Variants in F11R observed in about 807,000 individuals in gnomAD.
F11R encodes the protein F11 receptor.
In F11R, 27 loss-of-function variants were observed where a neutral mutation model predicts 39.3. The ratio of observed to expected loss-of-function variants is 0.69; its 90% CI spans 0.51 to 0.95. The LOEUF is 0.95. Ranked by LOEUF, F11R falls within the 40% of genes least tolerant of loss-of-function variation. F11R has a pLI of 0.00. For missense variants in F11R, 335 were observed against 372.7 expected (o/e 0.90, Z 0.83); for synonymous variants, 131 against 144.9 (o/e 0.90, Z 0.69).
rs1002993045 is a variant in F11R, at chr1:160,996,430, A to C, written c.*2441T>G. On this transcript the variant is annotated 3_prime_UTR_variant, in exon 10 of 10. Transcript: ENST00000368026. ...CCATGACCTTTTCCATATCCTTCCTACTCTGTCTTCCAACCATGACACAGA... is the reference window on the plus strand; with the variant it reads ...CCATGACCTTTTCCATATCCTTCCTCCTCTGTCTTCCAACCATGACACAGA... 2 of 152,114 alleles carry C rather than the reference A, an allele frequency of 1.3e-5. No individual in the cohort carries two copies. The highest frequency in any genetic ancestry group is 2.9e-5 in the Non-Finnish European group (2 of 68,004). The allele number at this position is 152,114 out of a possible 1,614,324, so 9.4% of individuals were successfully genotyped here.
chr1:161,002,908 T>C (rs1004014896), intron 1 of F11R, among the ~76,000 whole-genome samples: 1 of 132,560 alleles, frequency 7.5e-6, no homozygotes, highest in African/African-American at 2.9e-5. Flanking sequence ...ACTAAAGATA[T>C]AGGTTACTCC....
chr1:161,000,722 C>T lies in F11R; in HGVS notation c.297G>A (p.Val99=). 1 of 1,614,160 alleles carries T rather than the reference C, an allele frequency of 6.2e-7. No individual in the cohort carries two copies. The highest frequency in any genetic ancestry group is 1.1e-5 in the South Asian group (1 of 91,076). The change falls in exon 4 of 10, where the codon GTG becomes GTA. Residue 99 remains valine, a synonymous_variant. Transcript: ENST00000368026. ...TGTATGTCCCAGTGTCTTCCCGTGT[C>T]ACGGACTTGAAGGTGATACCAGTTG... ...FLPTGITFKS[V]TREDTGTYTC... is the part of the protein sequence containing the mutation.
rs1013719624 is a variant in F11R at position 160,997,610 on chromosome 1, A to G, written c.*1261T>C. On this transcript the variant is annotated 3_prime_UTR_variant, in exon 10 of 10. Coordinates refer to ENST00000368026, the MANE Select transcript of F11R (RefSeq NM_016946.6). The stretch of plus-strand genomic sequence containing the variant: ...AACCAGCCCCAGGTTGCTGGGAAGC[A>G]AGGCTTTGAGGCATTTTCCTGTTGT... 6.5e-6 allele frequency: 1 copy of G among 152,812 alleles called. No individual in the cohort carries two copies. Among genetic ancestry groups the G allele is most frequent in the Non-Finnish European group, 1.5e-5 (1 of 68,056 alleles). The allele number at this position is 152,812 out of a possible 1,614,324, so 9.5% of individuals were successfully genotyped here.
intron 1 of F11R, among the ~76,000 whole-genome samples, chr1:161,013,873 G>C (rs551819377): frequency 2.6e-5 from 4 of 152,280 alleles, no homozygotes; most frequent in African/African-American, 9.6e-5. Context: ...AGGGAAGGTC[G>C]AGCCTTCCAG....
intron 1 of F11R, among the ~76,000 whole-genome samples, chr1:161,014,667 C>T (rs1649349023): frequency 6.6e-6 from 1 of 152,106 alleles, no homozygotes; most frequent in South Asian, 2.1e-4. Flanking sequence ...AGGCCAGGCA[C>T]GGTGGCTCAT....
chr1:160,999,211 G>T (rs1280385124), intron 8 of F11R, 120 bp from the exon 9 acceptor site: 3 of 1,386,438 alleles, frequency 2.2e-6, no homozygotes, highest in East Asian at 2.5e-5. Flanking sequence ...CAGCAGACAG[G>T]TATGGGTGGG....
rs528511413 is a variant in F11R at position 161,010,430 on chromosome 1, C to T, written c.65-9077G>A. ...CTGCACTCCAGCCTGGGTGACAGAG[C>T]GAGACTCCATCAAAAAAAAAAAAAA... On this transcript the variant is annotated intron_variant, in intron 1 of 9. Coordinates refer to ENST00000368026, the MANE Select transcript of F11R (RefSeq NM_016946.6). 6.4e-4 allele frequency among the ~76,000 whole-genome samples: 46 copies of T among 71,996 alleles called. 1 individual carries two copies. In the East Asian group the frequency reaches 0.012, roughly 19 times the overall value. The allele number at this position is 71,996 out of a possible 152,430, so 47.2% of individuals were successfully genotyped here. A position where few individuals can be genotyped will look rare whatever the true frequency, so the allele number is the denominator to read the frequency against.
chr1:161,000,842 G>T, intron 3 of F11R, 65 bp from the exon 4 acceptor site: 1 of 1,598,370 alleles, frequency 6.3e-7, no homozygotes, highest in Non-Finnish European at 8.6e-7. Flanking sequence ...GCTGATGAAG[G>T]GGGCATCCAA....
At chr1:161,002,385 G>C (rs748515299) in intron 1 of F11R, among the ~76,000 whole-genome samples, 10 of 151,934 alleles carry the variant, frequency 6.6e-5, no homozygotes, top group Non-Finnish European at 1.0e-4. Flanking sequence ...AAAAGATAGT[G>C]TGTGCTGGGT....
At chr1:161,003,725 C>T (rs976857725) in intron 1 of F11R, among the ~76,000 whole-genome samples, 8 of 151,734 alleles carry the variant, frequency 5.3e-5, no homozygotes, top group Admixed American at 2.0e-4. Context: ...TACAGGCGCC[C>T]GCCACTACGC....
At chr1:160,999,793 G>A (rs780949710) in intron 6 of F11R, 46 bp from the exon 7 acceptor site, 94 of 1,604,200 alleles carry the variant, frequency 5.9e-5, no homozygotes, top group Non-Finnish European at 7.3e-5. Flanking sequence ...ACTCACTCAC[G>A]GCACCTACAG....
chr1:161,012,600 T>A (rs200969683), intron 1 of F11R, among the ~76,000 whole-genome samples: 4 of 144,174 alleles, frequency 2.8e-5, no homozygotes, highest in African/African-American at 7.6e-5. Context: ...AATTAATTAA[T>A]TTTATTTATT....
At chr1:161,002,530 C>G (rs2101971217) in intron 1 of F11R, 1 of 152,278 alleles carries the variant, frequency 6.6e-6, no homozygotes, top group South Asian at 2.1e-4. Flanking sequence ...AGCTACAAAC[C>G]TGCACTTACA....
At chr1:161,014,625 T>C (rs527979659) in intron 1 of F11R, among the ~76,000 whole-genome samples, 8 of 152,134 alleles carry the variant, frequency 5.3e-5, no homozygotes, top group Non-Finnish European at 1.0e-4. Flanking sequence ...GACTGGAGGA[T>C]TGCTTGAACC....
intron 1 of F11R, among the ~76,000 whole-genome samples, chr1:161,006,547 G>A (rs2481080): frequency 0.25 from 38,291 of 152,042 alleles, 5,117 homozygotes; most frequent in Middle Eastern, 0.29. Context: ...ATACAAACAC[G>A]TTGGGCTACA....
intron 1 of F11R, among the ~76,000 whole-genome samples, chr1:161,007,559 C>T (rs1295727668): frequency 1.3e-5 from 2 of 152,100 alleles, no homozygotes; most frequent in African/African-American, 4.8e-5. Flanking sequence ...TGAGTTTACG[C>T]ATCTGTAAAA....
At chr1:161,016,424 C>T (rs914375495) in intron 1 of F11R, among the ~76,000 whole-genome samples, 1 of 151,648 alleles carries the variant, frequency 6.6e-6, no homozygotes, top group African/African-American at 2.4e-5. Flanking sequence ...TGCAGTGAGC[C>T]GAGATCGTGC....
intron 4 of F11R, 105 bp downstream of exon 4, chr1:161,000,526 G>T: frequency 6.6e-7 from 1 of 1,521,560 alleles, no homozygotes; most frequent in Non-Finnish European, 9.0e-7. Context: ...ACTCTGAATA[G>T]CCCACCTGTG....
intron 1 of F11R, among the ~76,000 whole-genome samples, chr1:161,011,688 C>T (rs7354890): frequency 0.032 from 4,803 of 151,416 alleles, 79 homozygotes; most frequent in African/African-American, 0.057. Flanking sequence ...TGAGATTGTG[C>T]CACTGCACTC....
Sources: allele counts gnomAD v4.1 joint callset (sites outside exome capture counted in the v4.1 genomes callset), GRCh38; gene constraint gnomAD v4.1.1; transcripts MANE v1.5; gene names NCBI Gene and HGNC (gene_info 2026-07-23, HGNC 2026-07-21).